Variants in MEI1 observed in about 807,000 individuals in gnomAD.
MEI1 encodes meiosis inhibitor protein 1.
In MEI1, 103 loss-of-function variants were observed where a neutral mutation model predicts 146.2. That is an observed-to-expected ratio of 0.70 (90% CI 0.60 to 0.83). The LOEUF (loss-of-function observed/expected upper bound fraction) is 0.83. MEI1 is among the 40% of genes least tolerant of loss of function. MEI1 has a pLI of 0.00. For synonymous variants in MEI1, 652 were observed against 628.2 expected (o/e 1.04, Z -0.57); for missense variants, 1,529 against 1,533.0 (o/e 1.00, Z 0.04).
At chr22:41,742,467 C>T (rs999249500) in intron 11 of MEI1, among the ~76,000 whole-genome samples, 4 of 152,174 alleles carry the variant, frequency 2.6e-5, no homozygotes, top group African/African-American at 9.7e-5. Flanking sequence ...ATAATAGACA[C>T]AGCTGACATT....
chr22:41,722,310 AT>A (rs990650822), intron 6 of MEI1, among the ~76,000 whole-genome samples: 2 of 151,672 alleles, frequency 1.3e-5, no homozygotes, highest in Non-Finnish European at 2.9e-5. Context: ...TAATTTACTT[AT>A]TTTTAAAGAT....
At chr22:41,734,113 G>C (rs1311023606) in intron 11 of MEI1, among the ~76,000 whole-genome samples, 1 of 146,520 alleles carries the variant, frequency 6.8e-6, no homozygotes, top group Non-Finnish European at 1.5e-5. Context: ...GGGTAACAGA[G>C]TGAAATTCTG....
At chr22:41,743,285 A>T (rs994151211) in intron 12 of MEI1, 91 bp downstream of exon 12, 11 of 869,242 alleles carry the variant, frequency 1.3e-5, no homozygotes, top group Non-Finnish European at 1.8e-5. Context: ...TTTGTATGCT[A>T]TTTCATGACT....
At chr22:41,768,242 C>T (rs952826667) in intron 19 of MEI1, among the ~76,000 whole-genome samples, 1 of 151,938 alleles carries the variant, frequency 6.6e-6, no homozygotes, top group Non-Finnish European at 1.5e-5. Context: ...ATTAGCTGGG[C>T]GTGGCGGCAT....
At chr22:41,761,570 T>C (rs950821312) in intron 18 of MEI1, among the ~76,000 whole-genome samples, 1 of 151,892 alleles carries the variant, frequency 6.6e-6, no homozygotes, top group Non-Finnish European at 1.5e-5. Flanking sequence ...CGCCTCGGCC[T>C]CCCAAAGTGC....
intron 16 of MEI1, among the ~76,000 whole-genome samples, chr22:41,753,128 C>T (rs113879343): frequency 1.4e-4 from 22 of 152,020 alleles, no homozygotes; most frequent in African/African-American, 4.3e-4. Flanking sequence ...AAGCAATTCT[C>T]CTGCCTCAGC....
rs1310935351 is a variant in MEI1, at chr22:41,770,680, C to A, written c.2269-6C>A. ...TATTTACCTCCTTTCTTTGTTTTGC[C>A]TCCAGACTATGGTCAGTGCAATCAG... On this transcript the variant is annotated splice_region_variant and splice_polypyrimidine_tract_variant and intron_variant, in intron 19 of 30. Coordinates refer to ENST00000401548, the MANE Select transcript of MEI1 (RefSeq NM_152513.4). The A allele has an allele frequency of 6.2e-7, 1 of 1,611,738 alleles. No individual in the cohort carries two copies. The highest frequency in any genetic ancestry group is 1.3e-5 in the African/African-American group (1 of 74,786).
At chr22:41,768,939 T>C (rs1453359248) in intron 19 of MEI1, among the ~76,000 whole-genome samples, 1 of 152,222 alleles carries the variant, frequency 6.6e-6, no homozygotes, top group Non-Finnish European at 1.5e-5. Context: ...ATTAAAAATC[T>C]AAATTAACAG....
At chr22:41,790,598 CT>C (rs1266445717) in intron 26 of MEI1, among the ~76,000 whole-genome samples, 3 of 147,270 alleles carry the variant, frequency 2.0e-5, no homozygotes, top group East Asian at 2.0e-4. Flanking sequence ...TTCTTTTTTT[CT>C]TTTTTTTTTC....
chr22:41,715,928 G>C (rs2070104947), intron 4 of MEI1, 113 bp from the exon 5 acceptor site: 1 of 728,070 alleles, frequency 1.4e-6, no homozygotes. Context: ...ATTGCTGACT[G>C]TGGTGAGAGA....
At chr22:41,750,130 C>A (rs899485306) in intron 15 of MEI1, among the ~76,000 whole-genome samples, 1 of 152,060 alleles carries the variant, frequency 6.6e-6, no homozygotes, top group African/African-American at 2.4e-5. Context: ...CAAAACAGAC[C>A]CCTGTCCTTG....
intron 11 of MEI1, among the ~76,000 whole-genome samples, chr22:41,735,384 A>C (rs531874714): frequency 6.6e-6 from 1 of 151,504 alleles, no homozygotes; most frequent in South Asian, 2.1e-4. Context: ...ACAGGCATGC[A>C]CCACTACACC....
Position 41,770,933 on chromosome 22 carries a change from G to C in MEI1, c.2516G>C (p.Ser839Thr), listed in dbSNP as rs781702828. 6.2e-7 allele frequency: 1 copy of C among 1,613,792 alleles called. No homozygotes were observed. The highest frequency in any genetic ancestry group is 1.7e-5 in the Admixed American group (1 of 59,966). ...GTAGTCCTGTTCCAGTTGCTCAGAA[G>C]CATCCCCAGCATCCTGCTCATCTTG... is the stretch of plus-strand genomic sequence containing the variant. ...SLVVLFQLLR[S>T]IPSILLILLD... Residue 839 changes from serine (S) to threonine (T), a missense_variant, in exon 20 of 31, where the codon AGC becomes ACC. Ser to Thr is a moderately conservative substitution (Grantham distance 58, BLOSUM62 1). This residue lies in a region of MEI1 where 1,212 missense variants were observed against 1,178.9 expected (regional missense o/e 1.03). Coordinates refer to ENST00000401548, the MANE Select transcript of MEI1 (RefSeq NM_152513.4).
At position 41,722,103 on chromosome 22, in the gene MEI1, G is replaced by A. The variant is rs1382799954; in HGVS notation, c.734-1840G>A. 4.6e-5 allele frequency: 7 copies of A among 151,180 alleles called. No individual in the cohort carries two copies. The South Asian group carries it at 6.3e-4, about 14-fold the overall frequency. The allele number at this position is 151,180 out of a possible 1,614,324, so 9.4% of individuals were successfully genotyped here. ...GAGGGCCTCTTTTATCCTGGTCAAC[G>A]GGAGTGCTAACCTTCTTTCAGACAA... On this transcript the variant is annotated intron_variant, in intron 6 of 30. Transcript: ENST00000401548.
intron 27 of MEI1, 34 bp downstream of exon 27, chr22:41,793,944 G>C: frequency 6.3e-7 from 1 of 1,580,022 alleles, no homozygotes; most frequent in Admixed American, 1.7e-5. Context: ...ATGTTCCCAT[G>C]AGAGAGATTA....
intron 22 of MEI1, among the ~76,000 whole-genome samples, chr22:41,779,171 G>A (rs1189597785): frequency 6.6e-6 from 1 of 151,810 alleles, no homozygotes; most frequent in African/African-American, 2.4e-5. Context: ...CAAACTGCCA[G>A]GCCTAGTGGC....
In MEI1 at chr22:41,776,313, C is replaced by G. The variant is rs373765934; in HGVS notation, c.2710+46C>G. 2.1e-5 allele frequency: 33 copies of G among 1,597,796 alleles called. No individual in the cohort carries two copies. The African/African-American group carries it at 2.8e-4, about 14-fold the overall frequency. ...GGCACACTTTGACCTGAAAGCCAGTCGAGAATGGGCATCTCTACCCTTGTT... is the reference window on the plus strand; with the variant it reads ...GGCACACTTTGACCTGAAAGCCAGTGGAGAATGGGCATCTCTACCCTTGTT... On this transcript the variant is annotated intron_variant, in intron 21 of 30. Transcript: ENST00000401548.
intron 20 of MEI1, among the ~76,000 whole-genome samples, chr22:41,775,526 G>A (rs2075392501): frequency 6.6e-6 from 1 of 151,946 alleles, no homozygotes; most frequent in Non-Finnish European, 1.5e-5. Flanking sequence ...ATGACCTTTA[G>A]CAAGTCATGT....
At chr22:41,768,321 G>T (rs1003410564) in intron 19 of MEI1, among the ~76,000 whole-genome samples, 1 of 151,276 alleles carries the variant, frequency 6.6e-6, no homozygotes, top group Non-Finnish European at 1.5e-5. Context: ...GGCGGAGGTT[G>T]CAGTGAGCTG....
Sources: allele counts gnomAD v4.1 joint callset (sites outside exome capture counted in the v4.1 genomes callset), GRCh38; gene constraint gnomAD v4.1.1; regional missense constraint gnomAD v4.1.1; transcripts MANE v1.5; gene names NCBI Gene and HGNC (gene_info 2026-07-23, HGNC 2026-07-21).